The following DCAF1 variants were observed in gnomAD, a reference collection of about 807,000 sequenced individuals.
DCAF1 encodes DDB1 and CUL4 associated factor 1, also known as DDB1- and CUL4-associated factor 1.
In DCAF1, 15 loss-of-function variants were observed where a neutral mutation model predicts 128.0. That is an observed-to-expected ratio of 0.12 (90% CI 0.08 to 0.18). The LOEUF (loss-of-function observed/expected upper bound fraction) is 0.18, where lower values mean the gene tolerates loss of function less well. DCAF1 is among the 10% of genes least tolerant of loss of function. DCAF1 has a pLI of 1.00. For missense variants in DCAF1, 988 were observed against 1,649.5 expected (o/e 0.60, Z 6.95); for synonymous variants, 610 against 603.0 (o/e 1.01, Z -0.17).
At chr3:51,500,633 G>T (rs1489229323), upstream of DCAF1, among the ~76,000 whole-genome samples, 1 of 151,642 alleles carries the variant, frequency 6.6e-6, no homozygotes, top group Non-Finnish European at 1.5e-5. Context: ...CCGCCTCCCG[G>T]GCTCAAACAG....
intron 10 of DCAF1, among the ~76,000 whole-genome samples, chr3:51,432,162 T>C (rs1700446383): frequency 6.7e-6 from 1 of 150,308 alleles, no homozygotes; most frequent in Non-Finnish European, 1.5e-5. Flanking sequence ...TCCCAGCTAC[T>C]TGGGAGGCTG....
At chr3:51,487,213 G>A (rs1307240279) in intron 2 of DCAF1, among the ~76,000 whole-genome samples, 4 of 151,888 alleles carry the variant, frequency 2.6e-5, no homozygotes, top group African/African-American at 9.7e-5. Context: ...CGCGTGATCC[G>A]CCCACCTCAG....
intron 6 of DCAF1, among the ~76,000 whole-genome samples, chr3:51,459,855 C>A (rs1703345514): frequency 6.6e-6 from 1 of 152,142 alleles, no homozygotes; most frequent in South Asian, 2.1e-4. Flanking sequence ...CAAAATTCAA[C>A]AACCTTCATG....
intron 6 of DCAF1, among the ~76,000 whole-genome samples, chr3:51,454,931 C>G (rs1360166590): frequency 6.6e-6 from 1 of 152,206 alleles, no homozygotes; most frequent in Admixed American, 6.5e-5. Flanking sequence ...CCTCGGCCTC[C>G]CAAAGTGCTG....
At chr3:51,483,443 A>C (rs1203198923) in intron 3 of DCAF1, among the ~76,000 whole-genome samples, 2 of 152,174 alleles carry the variant, frequency 1.3e-5, no homozygotes, top group Middle Eastern at 3.4e-3. Flanking sequence ...CTGACTCAAA[A>C]AAAAAAAATT....
At chr3:51,426,283 C>T (rs2107486884) in intron 13 of DCAF1, among the ~76,000 whole-genome samples, 1 of 152,038 alleles carries the variant, frequency 6.6e-6, no homozygotes, top group African/African-American at 2.4e-5. Context: ...GATCTCAGCT[C>T]CCTGCAACCT....
chr3:51,433,926 C>T (rs1041974539), intron 9 of DCAF1, among the ~76,000 whole-genome samples: 9 of 150,942 alleles, frequency 6.0e-5, no homozygotes, highest in Non-Finnish European at 1.3e-4. Flanking sequence ...ACTAAAAATA[C>T]AAAAAATTTG....
intron 6 of DCAF1, among the ~76,000 whole-genome samples, chr3:51,461,015 T>C (rs1400066834): frequency 6.6e-6 from 1 of 152,044 alleles, no homozygotes; most frequent in Admixed American, 6.6e-5. Context: ...GGACTTCATG[T>C]CTAAAACACC....
rs1553630552 is a variant in DCAF1 at position 51,416,824 on chromosome 3, T to C, written c.3566A>G (p.Gln1189Arg). 1 of 1,611,960 alleles carries C rather than the reference T, an allele frequency of 6.2e-7. No individual in the cohort carries two copies. The highest frequency in any genetic ancestry group is 1.1e-5 in the South Asian group (1 of 90,434). ...DHYVEFSKHSQDRVIGTKGDI... is the reference protein window; with the variant it reads ...DHYVEFSKHSRDRVIGTKGDI... ...TCCTTTTGTGCCGATGACCCGATCC[T>C]GGGAGTGCTTACTGAACTCAACATA... Residue 1189 changes from glutamine to arginine, a missense_variant, in exon 18 of 25, where the codon CAG (glutamine) becomes CGG (arginine). Physicochemically the swap from Gln to Arg is conservative, Grantham distance 43. Around this residue, in one of 11 missense-constraint regions of DCAF1, gnomAD observed 61 missense variants for 78.3 expected, o/e 0.78. Transcript: ENST00000684031.
upstream of DCAF1, among the ~76,000 whole-genome samples, chr3:51,503,817 C>A (rs1053371028): frequency 1.3e-5 from 2 of 152,180 alleles, no homozygotes; most frequent in Non-Finnish European, 2.9e-5. Flanking sequence ...CCACTACTCT[C>A]ACTTTACAGA....
intron 6 of DCAF1, among the ~76,000 whole-genome samples, chr3:51,447,721 G>A (rs1260676815): frequency 6.6e-6 from 1 of 152,180 alleles, no homozygotes; most frequent in Admixed American, 6.5e-5. Flanking sequence ...GCCGAGGCGG[G>A]TGGATCACAT....
chr3:51,474,579 G>C (rs1553649711), intron 3 of DCAF1, among the ~76,000 whole-genome samples: 1 of 150,674 alleles, frequency 6.6e-6, no homozygotes, highest in African/African-American at 2.4e-5. Flanking sequence ...AATAATGTAT[G>C]TGTACTTGTT....
chr3:51,402,516 A>C (rs1553625208), intron 24 of DCAF1, among the ~76,000 whole-genome samples: 1 of 151,384 alleles, frequency 6.6e-6, no homozygotes, highest in Non-Finnish European at 1.5e-5. Flanking sequence ...CTTTCTCACT[A>C]CAACAGCAGA....
At chr3:51,426,206 A>C (rs1699893478) in intron 13 of DCAF1, among the ~76,000 whole-genome samples, 1 of 151,778 alleles carries the variant, frequency 6.6e-6, no homozygotes, top group Admixed American at 6.6e-5. Context: ...CAAACATGCA[A>C]TGGGTTCACT....
At chr3:51,416,519 C>T (rs1201768008) in intron 18 of DCAF1, among the ~76,000 whole-genome samples, 3 of 152,172 alleles carry the variant, frequency 2.0e-5, no homozygotes, top group Non-Finnish European at 4.4e-5. Flanking sequence ...TCCATAAAGG[C>T]AGGGGTTTCA....
chr3:51,503,028 C>G (rs1281908339), upstream of DCAF1, among the ~76,000 whole-genome samples: 1 of 152,208 alleles, frequency 6.6e-6, no homozygotes, highest in Non-Finnish European at 1.5e-5. Context: ...TACAGACAAT[C>G]CAGGCCCACA....
chr3:51,433,468 A>ATT (rs1288060498), intron 9 of DCAF1, among the ~76,000 whole-genome samples: 67 of 149,820 alleles, frequency 4.5e-4, no homozygotes, highest in Non-Finnish European at 7.7e-4. Flanking sequence ...ACACCAGGAA[A>ATT]TTTTTTTTTT....
chr3:51,492,576 T>C (rs1707775983), intron 2 of DCAF1, among the ~76,000 whole-genome samples: 1 of 152,094 alleles, frequency 6.6e-6, no homozygotes, highest in South Asian at 2.1e-4. Context: ...CACTAGGAAC[T>C]GCAAATCAAA....
chr3:51,480,712 G>A (rs968098938), intron 3 of DCAF1, among the ~76,000 whole-genome samples: 1 of 151,896 alleles, frequency 6.6e-6, no homozygotes, highest in Non-Finnish European at 1.5e-5. Context: ...ATGATGTGAT[G>A]CCATTTACAG....
Sources: allele counts gnomAD v4.1 joint callset (sites outside exome capture counted in the v4.1 genomes callset), GRCh38; gene constraint gnomAD v4.1.1; regional missense constraint gnomAD v4.1.1; transcripts MANE v1.5; gene names NCBI Gene and HGNC (gene_info 2026-07-23, HGNC 2026-07-21).